LOC122539214: variants seen among roughly 807,000 people sequenced by gnomAD.
At chr19:52,676,589 A>G in the LOC122539214 span, among the ~76,000 whole-genome samples, 1 of 150,870 alleles carries the variant, frequency 6.6e-6, no homozygotes, top group African/African-American at 2.4e-5. Flanking sequence ...GGAAGTGAGG[A>G]GCCCCTCTGC....
chr19:52,667,280 G>A, the LOC122539214 span, among the ~76,000 whole-genome samples: 1 of 150,738 alleles, frequency 6.6e-6, no homozygotes, highest in Admixed American at 6.6e-5. Context: ...AATGTTATAT[G>A]GTAAATTCTT....
chr19:52,676,549 G>A, the LOC122539214 span, among the ~76,000 whole-genome samples: 2 of 151,838 alleles, frequency 1.3e-5, no homozygotes, highest in South Asian at 2.1e-4. Context: ...GAGGGAGGTG[G>A]GGGGCGCCTC....
the LOC122539214 span, among the ~76,000 whole-genome samples, chr19:52,689,970 G>A: frequency 6.6e-6 from 1 of 152,202 alleles, no homozygotes; most frequent in South Asian, 2.1e-4. Flanking sequence ...GCACGAGGAG[G>A]GAGGTGGGGG....
chr19:52,683,273 TGTGTGTG>T, the LOC122539214 span, among the ~76,000 whole-genome samples: 1 of 93,290 alleles, frequency 1.1e-5, no homozygotes, highest in Non-Finnish European at 2.5e-5. Flanking sequence ...TGTGTGTGTG[TGTGTGTG>T]TATGCTCACG....
the LOC122539214 span, among the ~76,000 whole-genome samples, chr19:52,677,331 C>T: frequency 3.3e-5 from 3 of 90,788 alleles, no homozygotes; most frequent in African/African-American, 8.9e-5. Context: ...AAAAAAAAAA[C>T]AAAAATTAGC....
the LOC122539214 span, among the ~76,000 whole-genome samples, chr19:52,659,489 C>T: frequency 5.3e-3 from 805 of 151,918 alleles, 2 homozygotes; most frequent in African/African-American, 0.018. Context: ...ACTAGCAAAA[C>T]GGAATTATCT....
chr19:52,680,750 C>A, the LOC122539214 span, among the ~76,000 whole-genome samples: 1 of 142,612 alleles, frequency 7.0e-6, no homozygotes, highest in African/African-American at 2.8e-5. Flanking sequence ...GTAACTGGGA[C>A]TACAGGCGCC....
At chr19:52,687,611 A>AT in the LOC122539214 span, among the ~76,000 whole-genome samples, 1 of 28,308 alleles carries the variant, frequency 3.5e-5, no homozygotes, top group African/African-American at 4.1e-4. Context: ...ATATATATAT[A>AT]ATGTGTATAT....
At chr19:52,684,188 G>A in the LOC122539214 span, among the ~76,000 whole-genome samples, 31 of 152,164 alleles carry the variant, frequency 2.0e-4, 1 homozygote, top group Middle Eastern at 6.8e-3. Context: ...GGCCAACATC[G>A]TGAAACTGCA....
the LOC122539214 span, among the ~76,000 whole-genome samples, chr19:52,678,563 G>A: frequency 6.6e-6 from 1 of 151,860 alleles, no homozygotes; most frequent in South Asian, 2.1e-4. Context: ...TCATATCCCT[G>A]GACTTTTAAA....
the LOC122539214 span, among the ~76,000 whole-genome samples, chr19:52,666,207 G>A: frequency 1.3e-5 from 2 of 150,968 alleles, no homozygotes; most frequent in African/African-American, 4.9e-5. Flanking sequence ...AAGAGAGAGA[G>A]AGAAAGAGAC....
chr19:52,689,152 C>T, the LOC122539214 span, among the ~76,000 whole-genome samples: 1 of 152,174 alleles, frequency 6.6e-6, no homozygotes, highest in African/African-American at 2.4e-5. Flanking sequence ...GTATAATTAA[C>T]TGCTTTTGTT....
chr19:52,685,048 C>A, the LOC122539214 span, among the ~76,000 whole-genome samples: 2 of 152,216 alleles, frequency 1.3e-5, no homozygotes, highest in African/African-American at 4.8e-5. Flanking sequence ...GTCTACCGCT[C>A]TGTTTCTTCC....
the LOC122539214 span, among the ~76,000 whole-genome samples, chr19:52,683,547 A>G: frequency 7.8e-6 from 1 of 127,760 alleles, no homozygotes; most frequent in African/African-American, 3.2e-5. Flanking sequence ...GTCCCTGCCC[A>G]TAATGGCCAA....
At chr19:52,680,505 G>C in the LOC122539214 span, among the ~76,000 whole-genome samples, 1 of 151,308 alleles carries the variant, frequency 6.6e-6, no homozygotes, top group Non-Finnish European at 1.5e-5. Context: ...GAGAAAATAA[G>C]TACTAATTTG....
chr19:52,654,159 C>A, the LOC122539214 span: 3 of 1,604,800 alleles, frequency 1.9e-6, no homozygotes, highest in African/African-American at 1.3e-5. Context: ...TTCCAGCATG[C>A]CTTTGATCAC....
At chr19:52,685,616 G>A in the LOC122539214 span, among the ~76,000 whole-genome samples, 1 of 152,076 alleles carries the variant, frequency 6.6e-6, no homozygotes, top group African/African-American at 2.4e-5. Flanking sequence ...TATATGGGTG[G>A]TCAGGCACGG....
At chr19:52,681,013 G>C in the LOC122539214 span, among the ~76,000 whole-genome samples, 1 of 151,888 alleles carries the variant, frequency 6.6e-6, no homozygotes, top group Non-Finnish European at 1.5e-5. Flanking sequence ...GGCTTGGTGT[G>C]GTGGCTCATG....
the LOC122539214 span, among the ~76,000 whole-genome samples, chr19:52,688,039 T>C: frequency 6.6e-6 from 1 of 152,020 alleles, no homozygotes; most frequent in Non-Finnish European, 1.5e-5. Context: ...TAGACAGGAA[T>C]TTTAAAATTC....
Sources: gnomAD v4.1 joint callset for allele counts (sites outside exome capture counted in the v4.1 genomes callset) on GRCh38, gnomAD v4.1.1 for gene constraint, MANE v1.5 for transcripts.